The following TPRX1 variants were observed in gnomAD, a reference collection of about 807,000 sequenced individuals.
TPRX1 encodes the protein tetra-peptide repeat homeobox protein 1.
Under a neutral mutation model 8.1 loss-of-function variants are expected in TPRX1, and 2 were observed. That is an observed-to-expected ratio of 0.25 (90% CI 0.10 to 0.78). The LOEUF (loss-of-function observed/expected upper bound fraction) is 0.78. Among genes scored for constraint, TPRX1 ranks in the 30% least tolerant of loss-of-function variants. The pLI is 0.70. For synonymous variants in TPRX1, 257 were observed against 254.1 expected, an observed-to-expected ratio of 1.01 and a Z score of -0.11; for missense variants, 517 against 586.9, an observed-to-expected ratio of 0.88 and a Z score of 1.23.
intron 2 of TPRX1, among the ~76,000 whole-genome samples, chr19:47,815,714 A>C (rs1468716301): frequency 1.3e-5 from 2 of 149,136 alleles, no homozygotes; most frequent in African/African-American, 4.9e-5. Context: ...CAGGAGGCTG[A>C]GACGAGAGGA....
chr19:47,817,345 C>T (rs1312330790), intron 2 of TPRX1, among the ~76,000 whole-genome samples: 1 of 152,206 alleles, frequency 6.6e-6, no homozygotes, highest in African/African-American at 2.4e-5. Flanking sequence ...GAGGAGGAAA[C>T]TGAGGCTGAG....
chr19:47,810,081 C>G (rs1046803232), intron 2 of TPRX1, among the ~76,000 whole-genome samples: 2 of 151,290 alleles, frequency 1.3e-5, no homozygotes, highest in African/African-American at 4.9e-5. Flanking sequence ...ATGGCGAAAC[C>G]CTGTCTCTAC....
intron 2 of TPRX1, among the ~76,000 whole-genome samples, chr19:47,814,193 A>G (rs1215691636): frequency 6.6e-6 from 1 of 151,880 alleles, no homozygotes; most frequent in Non-Finnish European, 1.5e-5. Flanking sequence ...ATAGCTGGGA[A>G]TACAGGCACC....
exon 4 of TPRX1, chr19:47,801,711 C>T: frequency 6.5e-7 from 1 of 1,538,894 alleles, no homozygotes; most frequent in South Asian, 1.3e-5. Flanking sequence ...AGAAAGTCAC[C>T]AGCAGTGTAG....
chr19:47,811,703 T>C (rs966324594), intron 2 of TPRX1, among the ~76,000 whole-genome samples: 10 of 151,642 alleles, frequency 6.6e-5, no homozygotes, highest in African/African-American at 2.4e-4. Context: ...TTCACCATAT[T>C]GGCCAGGCTG....
intron 2 of TPRX1, among the ~76,000 whole-genome samples, chr19:47,808,662 G>T (rs1399318810): frequency 7.9e-6 from 1 of 126,274 alleles, no homozygotes; most frequent in Admixed American, 8.7e-5. Flanking sequence ...CACCATGTTG[G>T]CCAGGCTGGT....
exon 4 of TPRX1, chr19:47,801,828 C>A: frequency 6.2e-7 from 1 of 1,614,074 alleles, no homozygotes; most frequent in Non-Finnish European, 8.5e-7. Context: ...ACAGAGCCAC[C>A]CTCCTCTTGG....
At chr19:47,817,163 A>G (rs1411898122) in intron 2 of TPRX1, among the ~76,000 whole-genome samples, 3 of 152,212 alleles carry the variant, frequency 2.0e-5, no homozygotes, top group Admixed American at 1.3e-4. Flanking sequence ...AGACACACAG[A>G]TAACTCCATT....
exon 4 of TPRX1, chr19:47,801,528 C>G: frequency 2.1e-6 from 1 of 468,934 alleles, no homozygotes; most frequent in South Asian, 3.9e-5. Flanking sequence ...GCAGCATCCA[C>G]TAATGCCAGA....
At chr19:47,813,108 A>AC (rs1967798451) in intron 2 of TPRX1, among the ~76,000 whole-genome samples, 2 of 134,512 alleles carry the variant, frequency 1.5e-5, no homozygotes, top group South Asian at 2.5e-4. Context: ...CTGTGTCTCA[A>AC]AAATAAATAA....
exon 4 of TPRX1, chr19:47,802,507 T>C (rs1219003136): frequency 1.4e-5 from 21 of 1,545,774 alleles, no homozygotes; most frequent in Non-Finnish European, 1.7e-5. Flanking sequence ...AGAATGGGCC[T>C]GAGATTGGGC....
At chr19:47,804,196 A>C (rs1306225813) in intron 2 of TPRX1, among the ~76,000 whole-genome samples, 1 of 150,698 alleles carries the variant, frequency 6.6e-6, no homozygotes, top group African/African-American at 2.4e-5. Context: ...CTGGGACCAC[A>C]GGTGTGCACC....
exon 4 of TPRX1, chr19:47,802,700 G>T: frequency 6.3e-7 from 1 of 1,583,572 alleles, no homozygotes; most frequent in Non-Finnish European, 8.6e-7. Flanking sequence ...GGCTGGGCCT[G>T]GGATTGGGGC....
chr19:47,818,544 A>G, intron 1 of TPRX1: 1 of 456,110 alleles, frequency 2.2e-6, no homozygotes. Flanking sequence ...TCCTCCTGAC[A>G]AGGGCAGACA....
At chr19:47,802,964 C>T (rs926667503) in exon 4 of TPRX1, 7 of 1,538,368 alleles carry the variant, frequency 4.6e-6, no homozygotes, top group Non-Finnish European at 6.1e-6. Flanking sequence ...TTTGGCGCGG[C>T]GATTCTTGAA....
chr19:47,808,221 TCTC>T (rs1203298655), intron 2 of TPRX1, among the ~76,000 whole-genome samples: 2 of 152,016 alleles, frequency 1.3e-5, no homozygotes, highest in Non-Finnish European at 1.5e-5. Flanking sequence ...TTCAAGCAAT[TCTC>T]CTGCCTCAGC....
intron 2 of TPRX1, among the ~76,000 whole-genome samples, chr19:47,811,640 A>G (rs957954472): frequency 2.0e-5 from 3 of 151,588 alleles, no homozygotes; most frequent in African/African-American, 7.3e-5. Flanking sequence ...CTGGGACTAC[A>G]GTCATGCGCC....
chr19:47,815,892 A>G (rs1967835557), intron 2 of TPRX1, among the ~76,000 whole-genome samples: 1 of 152,004 alleles, frequency 6.6e-6, no homozygotes, highest in Non-Finnish European at 1.5e-5. Context: ...AAGCTCTTTG[A>G]GCCTTCGGTT....
exon 4 of TPRX1, chr19:47,802,321 T>C (rs574647007): frequency 4.2e-5 from 63 of 1,496,752 alleles, no homozygotes; most frequent in African/African-American, 9.3e-5. Context: ...GGCCTGAGAT[T>C]GGGCCTGGGA....
Sources: gnomAD v4.1 joint callset for allele counts (sites outside exome capture counted in the v4.1 genomes callset) on GRCh38, gnomAD v4.1.1 for gene constraint, MANE v1.5 for transcripts, NCBI Gene and HGNC (gene_info 2026-07-23, HGNC 2026-07-21) for gene names.